ZNF875: variants seen among roughly 807,000 people sequenced by gnomAD.
ZNF875 encodes HKR1, GLI-Kruppel zinc finger family member.
A neutral mutation model predicts 11.2 loss-of-function variants in ZNF875; 14 were observed. The ratio of observed to expected loss-of-function variants is 1.26; its 90% CI spans 0.83 to 1.96. The LOEUF (loss-of-function observed/expected upper bound fraction) is 1.96. Ranked by LOEUF, ZNF875 falls within the 30% of genes most tolerant of loss-of-function variation. ZNF875 has a pLI of 0.00. For synonymous variants in ZNF875, 301 were observed against 281.1 expected, an observed-to-expected ratio of 1.07 and a Z score of -0.71; for missense variants, 752 against 760.4, an observed-to-expected ratio of 0.99 and a Z score of 0.13.
intron 2 of ZNF875, among the ~76,000 whole-genome samples, chr19:37,344,074 A>G (rs1444632792): frequency 6.6e-6 from 1 of 152,136 alleles, no homozygotes; most frequent in Non-Finnish European, 1.5e-5. Context: ...ATGTCTGCCA[A>G]TAGCAACTTT....
chr19:37,315,209 G>T (rs937508432), upstream of ZNF875: 3 of 152,138 alleles, frequency 2.0e-5, no homozygotes, highest in Non-Finnish European at 1.5e-5. Context: ...CATGTGCAGA[G>T]GGGGCACTTT....
intron 4 of ZNF875, among the ~76,000 whole-genome samples, chr19:37,350,799 CTTTT>C (rs61142979): frequency 2.2e-5 from 2 of 91,244 alleles, no homozygotes; most frequent in African/African-American, 4.4e-5. Context: ...ATTCTTTTTG[CTTTT>C]TTTTTTTTTT....
At chr19:37,326,267 T>C (rs1288741720) in intron 4 of ZNF875, among the ~76,000 whole-genome samples, 3 of 152,240 alleles carry the variant, frequency 2.0e-5, no homozygotes, top group Admixed American at 6.5e-5. Context: ...GCCTGCCTTA[T>C]TGGACAGCAC....
At chr19:37,332,164 A>T (rs944765838), upstream of ZNF875, among the ~76,000 whole-genome samples, 6 of 149,766 alleles carry the variant, frequency 4.0e-5, no homozygotes, top group African/African-American at 1.5e-4. Flanking sequence ...ACCCTGACAC[A>T]TCCGCCTCTT....
chr19:37,333,993 G>T (rs1295804924), upstream of ZNF875, among the ~76,000 whole-genome samples: 4 of 151,932 alleles, frequency 2.6e-5, no homozygotes, highest in Non-Finnish European at 5.9e-5. Flanking sequence ...GGAATTTCCT[G>T]ATCAAGCTTC....
At chr19:37,318,512 C>A in intron 1 of ZNF875, among the ~76,000 whole-genome samples, 1 of 150,848 alleles carries the variant, frequency 6.6e-6, no homozygotes, top group Admixed American at 6.6e-5. Flanking sequence ...TTTATGAAAT[C>A]ATATTTGTTT....
At chr19:37,314,752 A>C (rs1380053001), upstream of ZNF875, 4 of 87,056 alleles carry the variant, frequency 4.6e-5, no homozygotes, top group South Asian at 1.8e-3. Context: ...CTCTGTCTCA[A>C]AAAAAAAAAA....
At chr19:37,356,209 T>G (rs2038881926) in intron 4 of ZNF875, among the ~76,000 whole-genome samples, 1 of 152,214 alleles carries the variant, frequency 6.6e-6, no homozygotes. Context: ...TTCCATGACT[T>G]TGCTGTTGGG....
intron 2 of ZNF875, among the ~76,000 whole-genome samples, chr19:37,340,486 C>G (rs752974418): frequency 6.6e-6 from 1 of 152,048 alleles, no homozygotes; most frequent in Non-Finnish European, 1.5e-5. Context: ...ATTGCAGTAA[C>G]ATCACTTTTC....
intron 3 of ZNF875, among the ~76,000 whole-genome samples, chr19:37,323,946 T>C (rs1193726853): frequency 6.6e-6 from 1 of 152,148 alleles, no homozygotes; most frequent in African/African-American, 2.4e-5. Context: ...ACACAGTGGA[T>C]CAGGAGTGGA....
At position 37,363,943 on chromosome 19, in the gene ZNF875, T is replaced by A; in HGVS notation, c.*168T>A. ...TGAGACTGTACTGGTAAGACTTGTA[T>A]CTCCATCCACCTGAAGGAGAATTGC... On this transcript the variant is annotated 3_prime_UTR_variant, in exon 5 of 5. Coordinates refer to ENST00000392153, the MANE Select transcript of ZNF875 (RefSeq NM_001353803.2). 1.6e-6 allele frequency: 1 copy of A among 607,228 alleles called. No individual in the cohort carries two copies. Among genetic ancestry groups the A allele is most frequent in the South Asian group, 2.2e-5 (1 of 45,528 alleles). The allele number at this position is 607,228 out of a possible 1,614,324, so 37.6% of individuals were successfully genotyped here. A position where few individuals can be genotyped will look rare whatever the true frequency, so the allele number is the denominator to read the frequency against.
intron 4 of ZNF875, chr19:37,328,565 C>G (rs1288732765): frequency 6.6e-6 from 1 of 152,140 alleles, no homozygotes; most frequent in Non-Finnish European, 1.5e-5. Flanking sequence ...CTCTCTTGCC[C>G]TTTTACCTTC....
chr19:37,344,008 AC>A (rs1313449639), intron 2 of ZNF875, among the ~76,000 whole-genome samples: 1 of 152,084 alleles, frequency 6.6e-6, no homozygotes, highest in Non-Finnish European at 1.5e-5. Context: ...TCTGCAGTCT[AC>A]CCTGTTCTCT....
intron 4 of ZNF875, among the ~76,000 whole-genome samples, chr19:37,328,225 G>A (rs2032831356): frequency 6.6e-6 from 1 of 152,016 alleles, no homozygotes; most frequent in Non-Finnish European, 1.5e-5. Context: ...GTTAACAAAA[G>A]CAAAACTCTG....
chr19:37,355,554 T>G (rs566634709), intron 4 of ZNF875, among the ~76,000 whole-genome samples: 1 of 152,310 alleles, frequency 6.6e-6, no homozygotes, highest in Admixed American at 6.5e-5. Context: ...ACAGTGTGGT[T>G]ATCAGCCTCA....
upstream of ZNF875, chr19:37,315,541 C>T (rs1224838436): frequency 6.6e-6 from 1 of 152,104 alleles, no homozygotes; most frequent in Non-Finnish European, 1.5e-5. Flanking sequence ...GCCAATGGAA[C>T]CCTTTGAAAT....
At chr19:37,358,033 T>TTTGATAACTCAACATA (rs1455788982) in intron 4 of ZNF875, 3 of 398,344 alleles carry the variant, frequency 7.5e-6, no homozygotes, top group African/African-American at 2.1e-5. Flanking sequence ...ACTCTTCTTA[T>TTTGATAACTCAACATA]TTTGAGGTAT....
At chr19:37,340,422 G>C (rs1459500639) in intron 2 of ZNF875, among the ~76,000 whole-genome samples, 1 of 152,112 alleles carries the variant, frequency 6.6e-6, no homozygotes, top group Non-Finnish European at 1.5e-5. Context: ...TCCAAATGTT[G>C]ACATGGTCCT....
upstream of ZNF875, among the ~76,000 whole-genome samples, chr19:37,329,764 A>G (rs183553499): frequency 6.6e-6 from 1 of 152,116 alleles, no homozygotes; most frequent in Middle Eastern, 3.2e-3. Context: ...CCTCCTCTTC[A>G]GTGGACTACA....
Sources: allele counts gnomAD v4.1 joint callset (sites outside exome capture counted in the v4.1 genomes callset), GRCh38; gene constraint gnomAD v4.1.1; transcripts MANE v1.5; gene names NCBI Gene and HGNC (gene_info 2026-07-23, HGNC 2026-07-21).